MBTD1: variants seen among roughly 807,000 people sequenced by gnomAD.
MBTD1 encodes MBT domain-containing protein 1.
In MBTD1, 24 loss-of-function variants were observed where a neutral mutation model predicts 87.8. That is an observed-to-expected ratio of 0.27 (90% CI 0.20 to 0.38). The LOEUF (loss-of-function observed/expected upper bound fraction) is 0.38, where lower values mean the gene tolerates loss of function less well. Ranked by LOEUF, MBTD1 falls within the 10% of genes least tolerant of loss-of-function variation. The pLI, the probability that MBTD1 is intolerant of heterozygous loss-of-function variation, is 1.00. For synonymous variants in MBTD1, 237 were observed against 248.6 expected, an observed-to-expected ratio of 0.95 and a Z score of 0.44; for missense variants, 436 against 760.2, an observed-to-expected ratio of 0.57 and a Z score of 5.02.
At chr17:51,194,391 G>A (rs900141611) in intron 13 of MBTD1, among the ~76,000 whole-genome samples, 11 of 151,864 alleles carry the variant, frequency 7.2e-5, no homozygotes, top group Non-Finnish European at 1.5e-4. Flanking sequence ...CCTACATGGC[G>A]AAACCCTGTC....
chr17:51,214,139 T>C (rs9789064), intron 6 of MBTD1, among the ~76,000 whole-genome samples: 13 of 151,496 alleles, frequency 8.6e-5, no homozygotes, highest in South Asian at 4.2e-4. Flanking sequence ...CACATACACA[T>C]ACACTTTTGT....
At position 51,180,492 on chromosome 17, in the gene MBTD1, G is replaced by C. The variant is rs967167220; in HGVS notation, c.*84C>G. ...CTATGTTTAGCAAAATGTCCCAGTA[G>C]AGTAGCCCCCTGTACAGCTGGATTG... On this transcript the variant is annotated 3_prime_UTR_variant, in exon 17 of 17. Transcript: ENST00000586178. 1 of 530,618 alleles carries C rather than the reference G, an allele frequency of 1.9e-6. No individual in the cohort carries two copies. The highest frequency in any genetic ancestry group is 3.1e-6 in the Non-Finnish European group (1 of 323,870). 32.9% of individuals were successfully genotyped at this position (530,618 alleles called of 1,614,324 possible).
intron 2 of MBTD1, among the ~76,000 whole-genome samples, chr17:51,253,282 T>C (rs1481041243): frequency 3.9e-5 from 6 of 152,204 alleles, no homozygotes; most frequent in Non-Finnish European, 1.5e-5. Flanking sequence ...TTAAAATGGC[T>C]ATGCCTTTTG....
chr17:51,221,639 GA>G (rs149055236), intron 3 of MBTD1, among the ~76,000 whole-genome samples: 21,893 of 151,240 alleles, frequency 0.14, 1,923 homozygotes, highest in Admixed American at 0.23. Flanking sequence ...AATATTTTGG[GA>G]AAAAAAAATT....
Position 51,206,060 on chromosome 17 carries a change from G to A in MBTD1, c.604+828C>T, listed in dbSNP as rs1429287869. On this transcript the variant is annotated intron_variant, in intron 7 of 16. Coordinates refer to ENST00000586178, the MANE Select transcript of MBTD1 (RefSeq NM_017643.3). ...TGGTAGTAGTCAACATTTGGCCGAT[G>A]TGAACATGCTGGAAAAAATACAAGT... Among the ~76,000 whole-genome samples the A allele has an allele frequency of 4.6e-5, 7 of 152,244 alleles. No homozygotes were observed. The East Asian group carries it at 5.8e-4, about 13-fold the overall frequency.
At chr17:51,210,044 C>G (rs1369826145) in intron 6 of MBTD1, among the ~76,000 whole-genome samples, 1 of 152,148 alleles carries the variant, frequency 6.6e-6, no homozygotes, top group African/African-American at 2.4e-5. Flanking sequence ...CTCTGTCGCC[C>G]AGGCTGGAGT....
rs1483411019 is a variant in MBTD1 at position 51,179,496 on chromosome 17, A to ATT, written c.*1079_*1080insAA. ...ATTAAAGACAATTTTATATATATAT[A>ATT]TATATATATATATATATATATATAT... On this transcript the variant is annotated 3_prime_UTR_variant, in exon 17 of 17. Coordinates refer to ENST00000586178, the MANE Select transcript of MBTD1 (RefSeq NM_017643.3). 1.1e-3 allele frequency: 56 copies of ATT among 53,090 alleles called. 6 individuals carry two copies. Among genetic ancestry groups the ATT allele is most frequent in the African/African-American group, 4.1e-3 (54 of 13,164 alleles). The allele number at this position is 53,090 out of a possible 1,614,324, so 3.3% of individuals were successfully genotyped here.
intron 13 of MBTD1, among the ~76,000 whole-genome samples, chr17:51,194,566 C>CAAAACAAAAAAAAA (rs2050980192): frequency 5.1e-5 from 1 of 19,752 alleles, no homozygotes; most frequent in Non-Finnish European, 8.2e-5. Context: ...GAGACTGTCT[C>CAAAACAAAAAAAAA]AAAAAAAAAA....
At chr17:51,195,391 G>C in intron 12 of MBTD1, 30 bp from the exon 13 acceptor site, 1 of 1,521,840 alleles carries the variant, frequency 6.6e-7, no homozygotes, top group Non-Finnish European at 8.9e-7. Context: ...CTAAGTACTT[G>C]AAATTAGATA....
chr17:51,249,195 G>A (rs1476242225), intron 2 of MBTD1, among the ~76,000 whole-genome samples: 1 of 152,130 alleles, frequency 6.6e-6, no homozygotes, highest in African/African-American at 2.4e-5. Context: ...GGGAGGTCAA[G>A]GCTGCAGTGA....
At chr17:51,215,453 A>G (rs2052510921) in intron 6 of MBTD1, among the ~76,000 whole-genome samples, 1 of 152,202 alleles carries the variant, frequency 6.6e-6, no homozygotes, top group Non-Finnish European at 1.5e-5. Flanking sequence ...GATATGGTTT[A>G]TAATATAAAA....
intron 16 of MBTD1, chr17:51,185,703 C>A (rs1440675574): frequency 6.6e-6 from 1 of 152,124 alleles, no homozygotes; most frequent in South Asian, 2.1e-4. Context: ...GTTCCCACGT[C>A]AAGTCACATA....
chr17:51,193,280 A>G lies in MBTD1; in HGVS notation c.1455+148T>C, dbSNP rs1218887056. On this transcript the variant is annotated intron_variant, in intron 14 of 16. Transcript: ENST00000586178. ...AAGTTTTGATTCCTAGGTAAAGAAA[A>G]TATTTATATTGTTTCATTGCTATAT... 8 of 598,524 alleles carry G rather than the reference A, an allele frequency of 1.3e-5. No individual in the cohort carries two copies. The African/African-American group carries it at 1.9e-4, about 14-fold the overall frequency. 37.1% of individuals were successfully genotyped at this position (598,524 alleles called of 1,614,324 possible).
At chr17:51,181,747 G>T (rs1351177815) in intron 16 of MBTD1, among the ~76,000 whole-genome samples, 1 of 152,212 alleles carries the variant, frequency 6.6e-6, no homozygotes, top group Non-Finnish European at 1.5e-5. Flanking sequence ...GGAGGACAAG[G>T]CGGGAGGCCA....
chr17:51,188,464 C>A (rs556682089), intron 16 of MBTD1, among the ~76,000 whole-genome samples: 30 of 152,284 alleles, frequency 2.0e-4, no homozygotes, highest in Admixed American at 4.6e-4. Context: ...AAAAGACCAA[C>A]GAGCTGTAAG....
Position 51,206,948 on chromosome 17 carries a change from T to C in MBTD1, c.544A>G (p.Asn182Asp), listed in dbSNP as rs764233650. 8.1e-6 allele frequency: 13 copies of C among 1,613,978 alleles called. No homozygotes were observed. Among genetic ancestry groups the C allele is most frequent in the Non-Finnish European group, 1.1e-5 (13 of 1,179,878 alleles). The change falls in exon 7 of 17, where the codon AAT becomes GAT. Residue 182 changes from asparagine (N) to aspartate (D), a missense_variant. Coordinates refer to ENST00000586178, the MANE Select transcript of MBTD1 (RefSeq NM_017643.3). The stretch of plus-strand genomic sequence containing the variant: ...TTGGTAGGTAGGCTGCAGTCTGTAT[T>C]GGGAACTTCTACTCTCACATTTTCT... The part of the protein sequence containing the change: ...ISENVRVEVP[N>D]TDCSLPTKVF...
At position 51,179,484 on chromosome 17, in the gene MBTD1, T is replaced by TTTTATATATA. The variant is rs2050203728; in HGVS notation, c.*1091_*1092insTATATATAAA. The TTTTATATATA allele has an allele frequency of 2.8e-5, 1 of 35,294 alleles. No individual in the cohort carries two copies. The highest frequency in any genetic ancestry group is 5.9e-5 in the Non-Finnish European group (1 of 17,026). 2.2% of individuals were successfully genotyped at this position (35,294 alleles called of 1,614,324 possible). On this transcript the variant is annotated 3_prime_UTR_variant, in exon 17 of 17. Coordinates refer to ENST00000586178, the MANE Select transcript of MBTD1 (RefSeq NM_017643.3). Reference sequence around the variant, plus strand: ...ATCCTGAATACAATTAAAGACAATTTTATATATATATATATATATATATAT... The same window carrying TTTTATATATA: ...ATCCTGAATACAATTAAAGACAATTTTTTATATATATATATATATATATATATATATATAT...
At position 51,193,029 on chromosome 17, in the gene MBTD1, A is replaced by T. The variant is rs1323792171; in HGVS notation, c.1456-13T>A. Reference sequence around the variant, plus strand: ...GATTTGGAACATCCTGACACAGAGAAGAAAACATTAATATTGGTATGAAGA... The same window carrying T: ...GATTTGGAACATCCTGACACAGAGATGAAAACATTAATATTGGTATGAAGA... On this transcript the variant is annotated splice_polypyrimidine_tract_variant and intron_variant, in intron 14 of 16. Transcript: ENST00000586178. 6.4e-7 allele frequency: 1 copy of T among 1,569,112 alleles called. No individual in the cohort carries two copies.
chr17:51,208,591 T>G lies in MBTD1; in HGVS notation c.487-1586A>C, dbSNP rs894016954. ...ATTAATTTCTGTGAGGATGTACCTA[T>G]TCGAGTAGATAGATGCAGTTAAATG... is the stretch of plus-strand genomic sequence containing the variant. On this transcript the variant is annotated intron_variant, in intron 6 of 16. Coordinates refer to ENST00000586178, the MANE Select transcript of MBTD1 (RefSeq NM_017643.3). Among the ~76,000 whole-genome samples the G allele has an allele frequency of 8.5e-5, 13 of 152,334 alleles. No individual in the cohort carries two copies. The South Asian group carries it at 2.3e-3, about 27-fold the overall frequency.
Sources: gnomAD v4.1 joint callset for allele counts (sites outside exome capture counted in the v4.1 genomes callset) on GRCh38, gnomAD v4.1.1 for gene constraint, MANE v1.5 for transcripts, NCBI Gene and HGNC (gene_info 2026-07-23, HGNC 2026-07-21) for gene names.